VWA8: variants seen among roughly 807,000 people sequenced by gnomAD.
VWA8 encodes von Willebrand factor A domain-containing protein 8.
A neutral mutation model predicts 241.5 loss-of-function variants in VWA8; 221 were observed. That is an observed-to-expected ratio of 0.91 (90% CI 0.82 to 1.02). The LOEUF (loss-of-function observed/expected upper bound fraction) is 1.02, where lower values mean the gene tolerates loss of function less well. Among genes scored for constraint, VWA8 ranks in the 50% least tolerant of loss-of-function variants. The probability of loss-of-function intolerance (pLI) is 0.00; values close to 1 mark genes in which losing one functional copy is unlikely to be tolerated. For missense variants in VWA8, 2,322 were observed against 2,328.7 expected, an observed-to-expected ratio of 1.00 and a Z score of 0.06; for synonymous variants, 852 against 827.1, an observed-to-expected ratio of 1.03 and a Z score of -0.52.
intron 4 of VWA8, among the ~76,000 whole-genome samples, chr13:41,904,703 C>A (rs1357025583): frequency 6.6e-6 from 1 of 152,070 alleles, no homozygotes; most frequent in African/African-American, 2.4e-5. Context: ...TAGCCTAAAT[C>A]TTCACATAAG....
At chr13:41,741,781 A>T (rs2045571321) in intron 21 of VWA8, among the ~76,000 whole-genome samples, 1 of 152,220 alleles carries the variant, frequency 6.6e-6, no homozygotes, top group South Asian at 2.1e-4. Flanking sequence ...TAGTTCACAG[A>T]CCCTAATCCT....
chr13:41,858,573 T>C (rs1156297639), intron 12 of VWA8, among the ~76,000 whole-genome samples: 1 of 151,840 alleles, frequency 6.6e-6, no homozygotes, highest in East Asian at 1.9e-4. Context: ...GCCACTGCAC[T>C]TCAGCCTGGG....
At chr13:41,818,773 G>A (rs752249533) in intron 15 of VWA8, among the ~76,000 whole-genome samples, 4 of 152,074 alleles carry the variant, frequency 2.6e-5, no homozygotes, top group Non-Finnish European at 4.4e-5. Context: ...TACTATTTAC[G>A]TGTCTGGCCT....
chr13:41,631,218 C>T (rs914694581), intron 37 of VWA8, among the ~76,000 whole-genome samples: 11 of 152,084 alleles, frequency 7.2e-5, no homozygotes, highest in Admixed American at 2.0e-4. Flanking sequence ...TGGGGTTTCA[C>T]CGTGTTGGCC....
chr13:41,703,204 G>A (rs1191197723), intron 27 of VWA8, 99 bp downstream of exon 27: 12 of 987,580 alleles, frequency 1.2e-5, no homozygotes, highest in African/African-American at 1.1e-4. Flanking sequence ...AATAACATCC[G>A]AACAAATCAT....
chr13:41,665,524 C>T (rs572236086), intron 37 of VWA8, among the ~76,000 whole-genome samples: 1 of 151,564 alleles, frequency 6.6e-6, no homozygotes, highest in African/African-American at 2.4e-5. Context: ...GTAAGGTATA[C>T]ATTTACATTT....
In VWA8 at chr13:41,605,273, TA is replaced by T. The variant is rs759259078; in HGVS notation, c.4880del (p.Leu1627GlnfsTer6). The T allele has an allele frequency of 6.2e-7, 1 of 1,612,702 alleles. No homozygotes were observed. Among genetic ancestry groups the T allele is most frequent in the South Asian group, 1.1e-5 (1 of 91,046 alleles). The part of the protein sequence containing the change: ...EMGQRAFQQR[L>X]KEIQMSEYDA... ...CGTATTCACTCATTTGGATCTCCTTTAGCCTGAAATCAGAAGAGTATAAAAA... is the reference window on the plus strand; with the variant it reads ...CGTATTCACTCATTTGGATCTCCTTTGCCTGAAATCAGAAGAGTATAAAAA... On this transcript the variant is annotated frameshift_variant and splice_region_variant, in exon 40 of 45. Transcript: ENST00000379310. LOFTEE classifies it high-confidence loss of function.
intron 21 of VWA8, among the ~76,000 whole-genome samples, chr13:41,759,620 G>A (rs1477253100): frequency 6.6e-6 from 1 of 151,432 alleles, no homozygotes; most frequent in African/African-American, 2.4e-5. Context: ...CCGTCATTAT[G>A]TTCATTTTTC....
chr13:41,719,855 T>C, intron 25 of VWA8, 113 bp from the exon 26 acceptor site: 2 of 1,033,062 alleles, frequency 1.9e-6, no homozygotes, highest in Non-Finnish European at 2.7e-6. Context: ...AGAAATTTAC[T>C]GGCCTTGTCA....
rs1873398766 is a variant in VWA8, at chr13:41,868,205, T to C, written c.1212+141A>G. On this transcript the variant is annotated intron_variant, in intron 10 of 44. Coordinates refer to ENST00000379310, the MANE Select transcript of VWA8 (RefSeq NM_015058.2). The stretch of plus-strand genomic sequence containing the variant: ...TCCAGTTTATAAGCACACATGACTC[T>C]GGAGACATAGACATATAGATACCGA... 1.3e-5 allele frequency: 12 copies of C among 907,116 alleles called. 1 individual carries two copies. The highest frequency in any genetic ancestry group is 1.8e-5 in the Non-Finnish European group (11 of 603,506). The allele number at this position is 907,116 out of a possible 1,614,324, so 56.2% of individuals were successfully genotyped here.
rs111692001 is a variant in VWA8, at chr13:41,876,216, A to G, written c.1080+7171T>C. ...CTCCACAGTCTATTCACTACTCAGC[A>G]ACCAGAATGAGCCTGTTAAAATGAT... On this transcript the variant is annotated intron_variant, in intron 9 of 44. Transcript: ENST00000379310. Among the ~76,000 whole-genome samples the G allele has an allele frequency of 3.7e-3, 556 of 152,214 alleles. 3 individuals carry two copies. The highest frequency in any genetic ancestry group is 0.013 in the African/African-American group (528 of 41,564).
chr13:41,793,306 C>T (rs562375836), intron 17 of VWA8, among the ~76,000 whole-genome samples: 104 of 152,038 alleles, frequency 6.8e-4, no homozygotes, highest in Non-Finnish European at 1.2e-3. Context: ...GAATATCAAA[C>T]CTTGACATTC....
At chr13:41,758,614 T>A (rs2045717137) in intron 21 of VWA8, among the ~76,000 whole-genome samples, 2 of 149,966 alleles carry the variant, frequency 1.3e-5, no homozygotes. Context: ...ATATGTTTCT[T>A]AAGGTTTTTT....
At chr13:41,624,764 A>G (rs1217196840) in intron 37 of VWA8, among the ~76,000 whole-genome samples, 2 of 152,184 alleles carry the variant, frequency 1.3e-5, no homozygotes, top group African/African-American at 4.8e-5. Context: ...GAATCGAAAC[A>G]AGACAAGGAT....
chr13:41,651,850 G>T (rs1267419553), intron 37 of VWA8, among the ~76,000 whole-genome samples: 1 of 152,128 alleles, frequency 6.6e-6, no homozygotes, highest in African/African-American at 2.4e-5. Context: ...AGGAAAGCCT[G>T]GAAGAGAATG....
At position 41,685,239 on chromosome 13, in the gene VWA8, G is replaced by A; in HGVS notation, c.4135C>T (p.Pro1379Ser). Residue 1379 changes from proline to serine, a missense_variant, in exon 35 of 45, where the codon CCC (proline) becomes TCC (serine). Physicochemically the swap from Pro to Ser is moderately conservative, Grantham distance 74. Coordinates refer to ENST00000379310, the MANE Select transcript of VWA8 (RefSeq NM_015058.2). ...CTCTTCCAAGAATAAACTTCACTGG[G>A]TGACTGAAAAAAAGAAAGAGATTAA... ...IVVGFPDLMSPSEVYSWKRPS... is the reference protein window; with the variant it reads ...IVVGFPDLMSSSEVYSWKRPS... The A allele has an allele frequency of 6.2e-7, 1 of 1,607,548 alleles. No homozygotes were observed. The highest frequency in any genetic ancestry group is 8.5e-7 in the Non-Finnish European group (1 of 1,178,054).
intron 12 of VWA8, among the ~76,000 whole-genome samples, chr13:41,857,178 GA>G (rs1872789190): frequency 6.6e-6 from 1 of 152,064 alleles, no homozygotes; most frequent in East Asian, 1.9e-4. Flanking sequence ...TTTTAAATGT[GA>G]TAAGGGAAGA....
Position 41,698,939 on chromosome 13 carries a change from A to G in VWA8, c.3564+132T>C, listed in dbSNP as rs202092611. 1.9e-4 allele frequency: 229 copies of G among 1,202,232 alleles called. 3 individuals carry two copies. The East Asian group carries it at 5.4e-3, about 28-fold the overall frequency. The allele number at this position is 1,202,232 out of a possible 1,614,324, so 74.5% of individuals were successfully genotyped here. The stretch of plus-strand genomic sequence containing the variant: ...TGCCTTTGTAGTACTGATAAAATGC[A>G]ACTCCTGACCCATCCCTCCAGCTCC... On this transcript the variant is annotated intron_variant, in intron 29 of 44. Transcript: ENST00000379310.
chr13:41,923,374 T>C (rs374706447), intron 2 of VWA8, among the ~76,000 whole-genome samples: 2 of 152,142 alleles, frequency 1.3e-5, no homozygotes, highest in African/African-American at 4.8e-5. Flanking sequence ...ACATGGCACA[T>C]GTATACATAT....
Sources: gnomAD v4.1 joint callset for allele counts (sites outside exome capture counted in the v4.1 genomes callset) on GRCh38, gnomAD v4.1.1 for gene constraint, MANE v1.5 for transcripts, NCBI Gene and HGNC (gene_info 2026-07-23, HGNC 2026-07-21) for gene names.